CDK14: variants seen among roughly 807,000 people sequenced by gnomAD.
The protein encoded by CDK14 is cyclin-dependent kinase 14.
A neutral mutation model predicts 60.7 loss-of-function variants in CDK14; 34 were observed. The ratio of observed to expected loss-of-function variants is 0.56; its 90% confidence interval spans 0.43 to 0.75. CDK14 has a LOEUF of 0.75. Among genes scored for constraint, CDK14 ranks in the 30% least tolerant of loss-of-function variants. CDK14 has a pLI of 0.00. For synonymous variants in CDK14, 197 were observed against 203.7 expected (o/e 0.97, Z 0.28); for missense variants, 482 against 564.1 (o/e 0.85, Z 1.47).
At chr7:91,071,034 C>T (rs73708237) in intron 11 of CDK14, among the ~76,000 whole-genome samples, 3,387 of 152,176 alleles carry the variant, frequency 0.022, 130 homozygotes, top group African/African-American at 0.077. Context: ...CGAATCCTGG[C>T]ATAATTGTCT....
intron 9 of CDK14, among the ~76,000 whole-genome samples, chr7:90,956,312 A>G (rs748227177): frequency 2.0e-5 from 3 of 152,172 alleles, no homozygotes; most frequent in Admixed American, 6.5e-5. Flanking sequence ...AAAAAATATT[A>G]TATGTTTAAT....
intron 9 of CDK14, among the ~76,000 whole-genome samples, chr7:90,964,609 G>A (rs1794701563): frequency 6.6e-6 from 1 of 152,060 alleles, no homozygotes; most frequent in Admixed American, 6.5e-5. Context: ...TTAACTGTTT[G>A]TTTTTAATTA....
At chr7:90,608,307 C>T (rs1175755563) in intron 2 of CDK14, among the ~76,000 whole-genome samples, 1 of 151,816 alleles carries the variant, frequency 6.6e-6, no homozygotes, top group East Asian at 1.9e-4. Flanking sequence ...TTAATGATAC[C>T]TAATATATGA....
At chr7:90,991,286 CAAG>C (rs1795525630) in intron 10 of CDK14, among the ~76,000 whole-genome samples, 1 of 152,064 alleles carries the variant, frequency 6.6e-6, no homozygotes. Context: ...GCATGGGAAT[CAAG>C]GAGCCATTCA....
chr7:90,644,029 A>C (rs1563027934), intron 2 of CDK14, among the ~76,000 whole-genome samples: 1 of 152,208 alleles, frequency 6.6e-6, no homozygotes, highest in South Asian at 2.1e-4. Flanking sequence ...TGAGATCATA[A>C]GAGTAGGGCC....
At chr7:90,683,386 A>G (rs1449221215) in intron 2 of CDK14, among the ~76,000 whole-genome samples, 2 of 152,208 alleles carry the variant, frequency 1.3e-5, no homozygotes, top group African/African-American at 4.8e-5. Flanking sequence ...GATATGCCCA[A>G]CTATTTTAGC....
chr7:90,730,939 C>A (rs1173783323), intron 3 of CDK14, among the ~76,000 whole-genome samples: 4 of 152,010 alleles, frequency 2.6e-5, no homozygotes, highest in Non-Finnish European at 5.9e-5. Flanking sequence ...ATGCCTGTGT[C>A]CTGAATGGTA....
chr7:90,633,278 A>G (rs1234063544), intron 2 of CDK14, among the ~76,000 whole-genome samples: 1 of 152,168 alleles, frequency 6.6e-6, no homozygotes, highest in African/African-American at 2.4e-5. Context: ...CATATTATTT[A>G]TGTTGACTAT....
intron 4 of CDK14, among the ~76,000 whole-genome samples, chr7:90,780,051 T>C (rs1033541331): frequency 6.6e-6 from 1 of 152,208 alleles, no homozygotes; most frequent in African/African-American, 2.4e-5. Flanking sequence ...TTCCTAATGG[T>C]GTTATTTAAC....
intron 5 of CDK14, among the ~76,000 whole-genome samples, chr7:90,833,611 C>G (rs1454518851): frequency 6.6e-6 from 1 of 152,118 alleles, no homozygotes; most frequent in African/African-American, 2.4e-5. Context: ...GAAGAGTAGT[C>G]TAGATAAGGC....
chr7:91,160,989 C>A (rs911560021), intron 14 of CDK14, among the ~76,000 whole-genome samples: 3 of 152,160 alleles, frequency 2.0e-5, no homozygotes, highest in Admixed American at 2.0e-4. Flanking sequence ...TCTCCAGAGT[C>A]ACTGATCTCT....
chr7:90,910,297 C>T (rs1792850274), intron 7 of CDK14, among the ~76,000 whole-genome samples: 1 of 152,208 alleles, frequency 6.6e-6, no homozygotes, highest in African/African-American at 2.4e-5. Flanking sequence ...TTTGCATTAG[C>T]TGTTTTGAAA....
chr7:90,695,298 T>G (rs913168138), intron 2 of CDK14, among the ~76,000 whole-genome samples: 3 of 152,214 alleles, frequency 2.0e-5, no homozygotes, highest in Non-Finnish European at 2.9e-5. Context: ...TATGAGGTCC[T>G]AAAAATATAA....
intron 2 of CDK14, among the ~76,000 whole-genome samples, chr7:90,686,566 A>C (rs9655990): frequency 2.6e-5 from 4 of 152,094 alleles, no homozygotes; most frequent in African/African-American, 9.7e-5. Flanking sequence ...AAATTGAAGG[A>C]CACTATTATC....
intron 14 of CDK14, among the ~76,000 whole-genome samples, chr7:91,157,911 A>G (rs10953033): frequency 0.89 from 135,458 of 152,006 alleles, 60,517 homozygotes; most frequent in East Asian, 0.96. Context: ...TTCTTGGTCA[A>G]ATACCCTGGT....
At chr7:90,626,026 A>T (rs1799867945) in intron 2 of CDK14, among the ~76,000 whole-genome samples, 1 of 152,126 alleles carries the variant, frequency 6.6e-6, no homozygotes, top group African/African-American at 2.4e-5. Context: ...GTTAATTTTA[A>T]TTTATAGTTA....
At chr7:90,854,432 G>T (rs1174969380) in intron 5 of CDK14, among the ~76,000 whole-genome samples, 1 of 152,132 alleles carries the variant, frequency 6.6e-6, no homozygotes, top group Non-Finnish European at 1.5e-5. Context: ...GGTCCCAGCT[G>T]CTCAGGAGGA....
rs114994895 is a variant in CDK14 at position 91,185,448 on chromosome 7, T to C, written c.*29-21717T>C. 2.0e-5 allele frequency among the ~76,000 whole-genome samples: 3 copies of C among 152,030 alleles called. No individual in the cohort carries two copies. The South Asian group carries it at 6.2e-4, about 32-fold the overall frequency. ...ATGCAAAAACAATAGAACTACACAA[T>C]ATAAAGAGGACATACCTCATAATCT... On this transcript the variant is annotated intron_variant, in intron 14 of 14. Transcript: ENST00000380050.
At chr7:90,816,691 G>T (rs149794149) in intron 5 of CDK14, among the ~76,000 whole-genome samples, 1 of 152,298 alleles carries the variant, frequency 6.6e-6, no homozygotes, top group Non-Finnish European at 1.5e-5. Flanking sequence ...GGGTGAGTTT[G>T]AGGTTGATAG....
Sources: allele counts gnomAD v4.1 joint callset (sites outside exome capture counted in the v4.1 genomes callset), GRCh38; gene constraint gnomAD v4.1.1; transcripts MANE v1.5; gene names NCBI Gene and HGNC (gene_info 2026-07-23, HGNC 2026-07-21).